The following PI4K2A variants were observed in gnomAD, a reference collection of about 807,000 sequenced individuals.
The protein encoded by PI4K2A is phosphatidylinositol 4-kinase type 2-alpha.
In PI4K2A, 20 loss-of-function variants were observed where a neutral mutation model predicts 55.0. The observed-to-expected ratio is 0.36, with a 90% CI of 0.26 to 0.53. PI4K2A has a LOEUF of 0.53. Ranked by LOEUF, PI4K2A falls within the 20% of genes least tolerant of loss-of-function variation. The probability of loss-of-function intolerance (pLI) is 0.91; values close to 1 mark genes in which losing one functional copy is unlikely to be tolerated. For missense variants in PI4K2A, 463 were observed against 637.1 expected (o/e 0.73, Z 2.94); for synonymous variants, 235 against 258.5 (o/e 0.91, Z 0.87).
intron 1 of PI4K2A, among the ~76,000 whole-genome samples, chr10:97,641,613 A>G (rs2041470285): frequency 6.6e-6 from 1 of 152,142 alleles, no homozygotes; most frequent in Non-Finnish European, 1.5e-5. Context: ...TGGGTGACCT[A>G]TCAGGGGATC....
intron 8 of PI4K2A, among the ~76,000 whole-genome samples, chr10:97,670,456 A>G (rs1408863118): frequency 6.6e-6 from 1 of 152,138 alleles, no homozygotes; most frequent in African/African-American, 2.4e-5. Context: ...CCAGTGATGT[A>G]TCTGAATAAT....
intron 1 of PI4K2A, among the ~76,000 whole-genome samples, chr10:97,642,929 CTTT>C (rs1564772441): frequency 1.0e-4 from 13 of 124,560 alleles, no homozygotes; most frequent in African/African-American, 4.3e-4. Context: ...TCCTTCCTTT[CTTT>C]CCTTTCTTTC....
intron 2 of PI4K2A, 91 bp downstream of exon 2, chr10:97,651,232 A>T (rs2041528786): frequency 2.2e-6 from 2 of 923,382 alleles, no homozygotes; most frequent in Non-Finnish European, 3.5e-6. Flanking sequence ...CCTTGGGTCC[A>T]GTGGGGTCAT....
At chr10:97,666,702 C>A in intron 7 of PI4K2A, 131 bp downstream of exon 7, 1 of 758,736 alleles carries the variant, frequency 1.3e-6, no homozygotes, top group Non-Finnish European at 2.1e-6. Context: ...CAACGAATAG[C>A]AAGATTTCCA....
intron 1 of PI4K2A, among the ~76,000 whole-genome samples, chr10:97,644,554 A>G (rs1272208836): frequency 1.3e-5 from 2 of 152,174 alleles, no homozygotes; most frequent in Non-Finnish European, 2.9e-5. Context: ...TATTGGAGAC[A>G]TAGGGTTCTT....
intron 1 of PI4K2A, among the ~76,000 whole-genome samples, chr10:97,641,804 T>TG (rs1241841135): frequency 2.6e-5 from 4 of 152,212 alleles, no homozygotes; most frequent in Non-Finnish European, 5.9e-5. Context: ...AGATAGAACT[T>TG]GGAGTTTTAG....
At chr10:97,660,589 C>T (rs886078597) in intron 4 of PI4K2A, among the ~76,000 whole-genome samples, 3 of 152,168 alleles carry the variant, frequency 2.0e-5, no homozygotes, top group African/African-American at 4.8e-5. Flanking sequence ...CCATCGAGCC[C>T]GGGCTCTTCT....
intron 4 of PI4K2A, among the ~76,000 whole-genome samples, chr10:97,662,265 G>T (rs1434318135): frequency 6.6e-6 from 1 of 152,068 alleles, no homozygotes; most frequent in African/African-American, 2.4e-5. Context: ...TTAATTTTCA[G>T]TTGTTTCTCT....
At chr10:97,653,699 C>T (rs1004011961) in intron 2 of PI4K2A, among the ~76,000 whole-genome samples, 34 of 152,182 alleles carry the variant, frequency 2.2e-4, no homozygotes, top group Non-Finnish European at 1.6e-4. Context: ...GGTGGATCAC[C>T]TCAGGTCAGG....
chr10:97,666,622 A>G, intron 7 of PI4K2A, 51 bp downstream of exon 7: 1 of 1,521,058 alleles, frequency 6.6e-7, no homozygotes, highest in Non-Finnish European at 8.9e-7. Flanking sequence ...AGGAATTTTT[A>G]ATGGTTTTTT....
At chr10:97,653,311 A>G (rs2041538055) in intron 2 of PI4K2A, among the ~76,000 whole-genome samples, 1 of 152,210 alleles carries the variant, frequency 6.6e-6, no homozygotes, top group Admixed American at 6.6e-5. Flanking sequence ...TTTGTGTAAC[A>G]CTTGGGCAAG....
At chr10:97,657,583 G>A (rs999359307) in intron 4 of PI4K2A, among the ~76,000 whole-genome samples, 2 of 151,436 alleles carry the variant, frequency 1.3e-5, no homozygotes, top group African/African-American at 4.9e-5. Flanking sequence ...TGGGAGAATC[G>A]CTTGAACCTG....
intron 1 of PI4K2A, among the ~76,000 whole-genome samples, chr10:97,649,609 ATTTTT>A (rs60329004): frequency 1.4e-4 from 10 of 70,546 alleles, no homozygotes; most frequent in African/African-American, 2.0e-4. Flanking sequence ...TCCATAATAG[ATTTTT>A]TTTTTTTTTT....
At chr10:97,666,465 A>C (rs1211106178) in exon 7 of PI4K2A, 12 of 1,613,492 alleles carry the variant, frequency 7.4e-6, no homozygotes, top group Non-Finnish European at 1.0e-5. Flanking sequence ...TGGTTGCCCC[A>C]GGCGAAAGTC....
At chr10:97,674,414 GCACA>G (rs2041651347) in exon 9 of PI4K2A, 1 of 152,360 alleles carries the variant, frequency 6.6e-6, no homozygotes, top group Non-Finnish European at 1.5e-5. Context: ...CAGCACTTCC[GCACA>G]CAATCATAGA....
chr10:97,642,850 CCTTTCTTTCTTTCTTTTT>C (rs1343303447), intron 1 of PI4K2A, among the ~76,000 whole-genome samples: 24 of 80,396 alleles, frequency 3.0e-4, no homozygotes, highest in African/African-American at 6.9e-4. Context: ...TTCCTTCCTT[CCTTTCTTTCTTTCTTTTT>C]CTTTCTTTCT....
At chr10:97,666,272 G>A (rs1024678445) in intron 6 of PI4K2A, among the ~76,000 whole-genome samples, 166 bp from the exon 7 acceptor site, 19 of 152,218 alleles carry the variant, frequency 1.2e-4, no homozygotes, top group African/African-American at 4.6e-4. Flanking sequence ...TTCCTCTACT[G>A]ACTAGCTGTG....
At position 97,651,325 on chromosome 10, in the gene PI4K2A, A is replaced by G. The variant is rs542930334; in HGVS notation, c.636+184A>G. Among the ~76,000 whole-genome samples, 6 of 152,346 alleles carry G rather than the reference A, an allele frequency of 3.9e-5. No individual in the cohort carries two copies. The East Asian group carries it at 9.6e-4, about 24-fold the overall frequency. On this transcript the variant is annotated intron_variant, in intron 2 of 8. Transcript: ENST00000370631. ...ATGATTTGATCACCTGATGAAGGCT[A>G]TCTTTTGAAGGATACACACACAATT...
intron 1 of PI4K2A, among the ~76,000 whole-genome samples, chr10:97,642,621 C>A (rs12357082): frequency 0.17 from 25,339 of 151,524 alleles, 2,326 homozygotes; most frequent in Non-Finnish European, 0.21. Context: ...GATCTCTTGA[C>A]CTTGTGATCT....
Sources: allele counts gnomAD v4.1 joint callset (sites outside exome capture counted in the v4.1 genomes callset), GRCh38; gene constraint gnomAD v4.1.1; transcripts MANE v1.5; gene names NCBI Gene and HGNC (gene_info 2026-07-23, HGNC 2026-07-21).